Variants in HAVCR2 observed in about 807,000 individuals in gnomAD.
HAVCR2 encodes the protein T cell immunoglobulin mucin 3.
Under a neutral mutation model 24.7 loss-of-function variants are expected in HAVCR2, and 13 were observed. That is an observed-to-expected ratio of 0.53 (90% CI 0.34 to 0.84). The LOEUF (loss-of-function observed/expected upper bound fraction) is 0.84, where lower values mean the gene tolerates loss of function less well. Among genes scored for constraint, HAVCR2 ranks in the 40% least tolerant of loss-of-function variants. The pLI, the probability that HAVCR2 is intolerant of heterozygous loss-of-function variation, is 0.01. For synonymous variants in HAVCR2, 154 were observed against 143.4 expected, an observed-to-expected ratio of 1.07 and a Z score of -0.53; for missense variants, 343 against 371.2, an observed-to-expected ratio of 0.92 and a Z score of 0.62.
At chr5:157,100,502 A>T (rs1240335503) in intron 3 of HAVCR2, among the ~76,000 whole-genome samples, 2 of 152,210 alleles carry the variant, frequency 1.3e-5, no homozygotes, top group Non-Finnish European at 2.9e-5. Flanking sequence ...AGAGCAGGAA[A>T]CAAGAGGGGC....
chr5:157,104,094 C>G (rs1189091782), intron 3 of HAVCR2, among the ~76,000 whole-genome samples: 1 of 152,092 alleles, frequency 6.6e-6, no homozygotes, highest in Admixed American at 6.6e-5. Flanking sequence ...AGGACACTGA[C>G]AAGAAATACC....
At chr5:157,106,296 A>G (rs1486106034) in intron 2 of HAVCR2, 3 of 219,718 alleles carry the variant, frequency 1.4e-5, no homozygotes, top group Non-Finnish European at 2.7e-5. Context: ...ATGCCTGGCT[A>G]ATTTTTTGTA....
In HAVCR2 at chr5:157,088,437, T is replaced by A. The variant is rs924697011; in HGVS notation, c.713+504A>T. 1.6e-4 allele frequency among the ~76,000 whole-genome samples: 24 copies of A among 152,220 alleles called. 1 individual carries two copies. The highest frequency in any genetic ancestry group is 3.4e-4 in the Non-Finnish European group (23 of 68,042). On this transcript the variant is annotated intron_variant, in intron 6 of 6. Transcript: ENST00000307851. ...GAGCTTTTAGAACAATTTCTATGCT[T>A]AGGCTTCATCCCCAGAGATTCTGAT...
rs1561617611 is a variant in HAVCR2, at chr5:157,086,144, C to G, written c.*958G>C. Reference sequence around the variant, plus strand: ...CAAGCACACAACAAGCAAAACTTGGCCAATACACACCAATCAAATGCACTT... The same window carrying G: ...CAAGCACACAACAAGCAAAACTTGGGCAATACACACCAATCAAATGCACTT... On this transcript the variant is annotated 3_prime_UTR_variant, in exon 7 of 7. Transcript: ENST00000307851. 6.6e-6 allele frequency: 1 copy of G among 152,200 alleles called. No individual in the cohort carries two copies. Among genetic ancestry groups the G allele is most frequent in the Non-Finnish European group, 1.5e-5 (1 of 68,050 alleles). 9.4% of individuals were successfully genotyped at this position (152,200 alleles called of 1,614,324 possible). A position where few individuals can be genotyped will look rare whatever the true frequency, so the allele number is the denominator to read the frequency against.
At chr5:157,094,232 T>C (rs1216239378) in intron 5 of HAVCR2, among the ~76,000 whole-genome samples, 1 of 151,610 alleles carries the variant, frequency 6.6e-6, no homozygotes, top group Non-Finnish European at 1.5e-5. Flanking sequence ...AGAGGCAGGA[T>C]CCTGCTTTGC....
Position 157,092,878 on chromosome 5 carries a change from C to CAAAAAAAAAAAAAAAAAAAAA in HAVCR2, c.676+2407_676+2427dup, listed in dbSNP as rs556443053. 5.2e-4 allele frequency among the ~76,000 whole-genome samples: 23 copies of CAAAAAAAAAAAAAAAAAAAAA among 44,044 alleles called. 3 individuals are homozygous for CAAAAAAAAAAAAAAAAAAAAA. The highest frequency in any genetic ancestry group is 1.5e-3 in the East Asian group (2 of 1,304). The allele number at this position is 44,044 out of a possible 152,430, so 28.9% of individuals were successfully genotyped here. On this transcript the variant is annotated intron_variant, in intron 5 of 6. Transcript: ENST00000307851. ...CAACATGGCAAAACCCTGTCTCTACCAAAAAAAAAAAAAAAAAAAAAAAAA... is the reference window on the plus strand; with the variant it reads ...CAACATGGCAAAACCCTGTCTCTACCAAAAAAAAAAAAAAAAAAAAAAAAAAAAAAAAAAAAAAAAAAAAAA...
chr5:157,092,978 G>C (rs915858670), intron 5 of HAVCR2, among the ~76,000 whole-genome samples: 5 of 140,098 alleles, frequency 3.6e-5, no homozygotes, highest in Non-Finnish European at 7.6e-5. Context: ...TGAGGCACAA[G>C]AATTGCTTGA....
chr5:157,097,273 G>A (rs997319683), intron 4 of HAVCR2, among the ~76,000 whole-genome samples: 1 of 47,568 alleles, frequency 2.1e-5, no homozygotes, highest in South Asian at 6.4e-4. Context: ...TTTTTTTTTT[G>A]AGACAAGGCC....
At chr5:157,092,878 C>CAAAAAAAAAAAAAAAAAAAAAAAAAA (rs556443053) in intron 5 of HAVCR2, among the ~76,000 whole-genome samples, 5 of 44,044 alleles carry the variant, frequency 1.1e-4, no homozygotes, top group Non-Finnish European at 1.4e-4. Flanking sequence ...CTGTCTCTAC[C>CAAAAAAAAAAAAAAAAAAAAAAAAAA]AAAAAAAAAA....
chr5:157,104,889 A>T, intron 2 of HAVCR2, 140 bp from the exon 3 acceptor site: 1 of 571,000 alleles, frequency 1.8e-6, no homozygotes, highest in Non-Finnish European at 3.2e-6. Flanking sequence ...ACCTGCCTGG[A>T]TACCTACGTT....
chr5:157,108,026 C>T (rs1326418115), intron 1 of HAVCR2, among the ~76,000 whole-genome samples: 1 of 151,656 alleles, frequency 6.6e-6, no homozygotes, highest in Non-Finnish European at 1.5e-5. Context: ...AGACTTGTCT[C>T]CTCATTTTCC....
chr5:157,099,500 C>T (rs562699551), intron 3 of HAVCR2, among the ~76,000 whole-genome samples: 3 of 152,124 alleles, frequency 2.0e-5, no homozygotes, highest in African/African-American at 4.8e-5. Context: ...GATCTGCCCA[C>T]CTCAGCCTCC....
At chr5:157,108,220 C>T (rs531393492) in intron 1 of HAVCR2, among the ~76,000 whole-genome samples, 6 of 152,118 alleles carry the variant, frequency 3.9e-5, no homozygotes, top group African/African-American at 7.2e-5. Context: ...CGGTGGGTCA[C>T]GCCTGTAATC....
At chr5:157,099,266 A>G (rs1303064518) in intron 3 of HAVCR2, among the ~76,000 whole-genome samples, 1 of 151,956 alleles carries the variant, frequency 6.6e-6, no homozygotes, top group East Asian at 1.9e-4. Context: ...TTATTTATTT[A>G]TTTATTTAGA....
chr5:157,095,488 G>A, intron 4 of HAVCR2, 29 bp from the exon 5 acceptor site: 1 of 1,612,610 alleles, frequency 6.2e-7, no homozygotes, highest in Non-Finnish European at 8.5e-7. Context: ...GATTTAAGCA[G>A]AAAACAGCTA....
At chr5:157,095,253 G>A in intron 5 of HAVCR2, 53 bp downstream of exon 5, 1 of 1,591,516 alleles carries the variant, frequency 6.3e-7, no homozygotes, top group Non-Finnish European at 8.6e-7. Flanking sequence ...GGTTTTTACT[G>A]GTTCTCACTG....
chr5:157,090,922 T>C (rs1561619305), intron 5 of HAVCR2, among the ~76,000 whole-genome samples: 1 of 152,010 alleles, frequency 6.6e-6, no homozygotes, highest in Non-Finnish European at 1.5e-5. Flanking sequence ...TCATAGTTCA[T>C]AGCCTCAAAC....
intron 1 of HAVCR2, among the ~76,000 whole-genome samples, chr5:157,107,867 C>CG (rs1471686606): frequency 6.7e-6 from 1 of 149,902 alleles, no homozygotes; most frequent in Non-Finnish European, 1.5e-5. Context: ...CTGCCCCCCC[C>CG]CCTTTTTTAT....
chr5:157,108,371 C>G (rs1757282308), intron 1 of HAVCR2, among the ~76,000 whole-genome samples: 1 of 152,078 alleles, frequency 6.6e-6, no homozygotes, highest in African/African-American at 2.4e-5. Context: ...GTGATCCCAG[C>G]TACTCCGGTG....
Sources: allele counts gnomAD v4.1 joint callset (sites outside exome capture counted in the v4.1 genomes callset), GRCh38; gene constraint gnomAD v4.1.1; transcripts MANE v1.5; gene names NCBI Gene and HGNC (gene_info 2026-07-23, HGNC 2026-07-21).